CDH2: variants seen among roughly 807,000 people sequenced by gnomAD.
CDH2 encodes cadherin 2, also known as cadherin-2.
In CDH2, 17 loss-of-function variants were observed where a neutral mutation model predicts 92.0. The ratio of observed to expected loss-of-function variants is 0.18; its 90% CI spans 0.13 to 0.28. The LOEUF is 0.28. Ranked by LOEUF, CDH2 falls within the 10% of genes least tolerant of loss-of-function variation. The probability of loss-of-function intolerance (pLI) is 1.00; values close to 1 mark genes in which losing one functional copy is unlikely to be tolerated. For synonymous variants in CDH2, 419 were observed against 415.9 expected, an observed-to-expected ratio of 1.01 and a Z score of -0.09; for missense variants, 862 against 1,133.1, an observed-to-expected ratio of 0.76 and a Z score of 3.44.
chr18:27,950,245 A>G (rs1233142956), downstream of CDH2, among the ~76,000 whole-genome samples: 3 of 151,738 alleles, frequency 2.0e-5, no homozygotes, highest in Non-Finnish European at 4.4e-5. Flanking sequence ...GAGGAGGTAT[A>G]TTATATAAGT....
At chr18:28,125,094 C>A in intron 2 of CDH2, among the ~76,000 whole-genome samples, 1 of 152,270 alleles carries the variant, frequency 6.6e-6, no homozygotes, top group South Asian at 2.1e-4. Flanking sequence ...CGTTCCAGTA[C>A]GTGAGACATT....
At chr18:28,109,221 C>T (rs1209932700) in intron 2 of CDH2, among the ~76,000 whole-genome samples, 1 of 152,140 alleles carries the variant, frequency 6.6e-6, no homozygotes, top group African/African-American at 2.4e-5. Context: ...ATCTATGCTG[C>T]AAAATAAATG....
In CDH2 at chr18:28,002,950, C is replaced by T. The variant is rs201334340; in HGVS notation, c.1020+47G>A. 81 of 1,520,900 alleles carry T rather than the reference C, an allele frequency of 5.3e-5. 1 individual carries two copies. The South Asian group carries it at 7.4e-4, about 14-fold the overall frequency. The allele number at this position is 1,520,900 out of a possible 1,614,324, so 94.2% of individuals were successfully genotyped here. A position where few individuals can be genotyped will look rare whatever the true frequency, so the allele number is the denominator to read the frequency against. ...AATGTATGTGATATGATATTGTGCACCTTTAAGATTAAAAACAAACACAAA... is the reference window on the plus strand; with the variant it reads ...AATGTATGTGATATGATATTGTGCATCTTTAAGATTAAAAACAAACACAAA... On this transcript the variant is annotated intron_variant, in intron 7 of 15. Transcript: ENST00000269141.
rs191523930 is a variant in CDH2 at position 28,050,488 on chromosome 18, T to C, written c.173-36579A>G. On this transcript the variant is annotated intron_variant, in intron 2 of 15. Transcript: ENST00000269141. ...AAAAATTCCTGTAATGTAAATATTA[T>C]CCTCCTTTCCTGATGAGGAAATTAA... Among the ~76,000 whole-genome samples the C allele has an allele frequency of 1.4e-4, 21 of 152,274 alleles. No individual in the cohort carries two copies. In the East Asian group the frequency reaches 3.7e-3, roughly 27 times the overall value.
At chr18:28,016,883 T>A (rs2013263923) in intron 2 of CDH2, among the ~76,000 whole-genome samples, 1 of 152,178 alleles carries the variant, frequency 6.6e-6, no homozygotes, top group Non-Finnish European at 1.5e-5. Flanking sequence ...ATGATCATGT[T>A]ATTTTTTGTT....
chr18:28,090,697 G>T (rs939086234), intron 2 of CDH2, among the ~76,000 whole-genome samples: 7 of 152,168 alleles, frequency 4.6e-5, no homozygotes, highest in Non-Finnish European at 7.3e-5. Flanking sequence ...CCTTATGGTA[G>T]ATAAGAACTC....
intron 2 of CDH2, among the ~76,000 whole-genome samples, chr18:28,107,363 C>T (rs1339720880): frequency 6.6e-6 from 1 of 151,918 alleles, no homozygotes; most frequent in Non-Finnish European, 1.5e-5. Flanking sequence ...GGTGTGACCA[C>T]AGAATATGGA....
chr18:28,166,926 C>T (rs2016393858), intron 1 of CDH2, among the ~76,000 whole-genome samples: 1 of 152,018 alleles, frequency 6.6e-6, no homozygotes, highest in African/African-American at 2.4e-5. Context: ...TCCTGGCAGA[C>T]TCTCAGATCT....
At chr18:28,020,323 T>C (rs1395139049) in intron 2 of CDH2, among the ~76,000 whole-genome samples, 1 of 152,060 alleles carries the variant, frequency 6.6e-6, no homozygotes, top group Non-Finnish European at 1.5e-5. Context: ...TTATATATTT[T>C]TTAGTTCATA....
rs778891009 is a variant in CDH2, at chr18:27,985,794, A to C, written c.1742-33T>G. On this transcript the variant is annotated intron_variant, in intron 11 of 15. Coordinates refer to ENST00000269141, the MANE Select transcript of CDH2 (RefSeq NM_001792.5). ...GAGAGAAAAATCACAAATGATGCTG[A>C]ACAGTTCTCTCCAATGAGCCTCAAT... is the stretch of plus-strand genomic sequence containing the variant. The C allele has an allele frequency of 2.3e-5, 29 of 1,265,886 alleles. No individual in the cohort carries two copies. The South Asian group carries it at 3.0e-4, about 13-fold the overall frequency. The allele number at this position is 1,265,886 out of a possible 1,614,324, so 78.4% of individuals were successfully genotyped here. A position where few individuals can be genotyped will look rare whatever the true frequency, so the allele number is the denominator to read the frequency against.
At chr18:28,149,587 C>T (rs1316826583) in intron 1 of CDH2, among the ~76,000 whole-genome samples, 2 of 151,990 alleles carry the variant, frequency 1.3e-5, no homozygotes, top group East Asian at 1.9e-4. Flanking sequence ...CTGATGATTC[C>T]GCTTATATAA....
intron 2 of CDH2, among the ~76,000 whole-genome samples, chr18:28,060,138 A>G (rs2014372750): frequency 6.9e-6 from 1 of 144,416 alleles, no homozygotes; most frequent in Non-Finnish European, 1.5e-5. Flanking sequence ...TAGATCCACT[A>G]TTTCAATAAG....
At chr18:27,938,111 G>A (rs1297496515) in intron 6 of CDH2, among the ~76,000 whole-genome samples, 1 of 151,834 alleles carries the variant, frequency 6.6e-6, no homozygotes, top group Non-Finnish European at 1.5e-5. Context: ...GTGTGGCACC[G>A]CCCCCATCTC....
chr18:27,990,997 T>C (rs975038059), intron 9 of CDH2, among the ~76,000 whole-genome samples: 1 of 152,216 alleles, frequency 6.6e-6, no homozygotes, highest in Non-Finnish European at 1.5e-5. Flanking sequence ...TTCTGGAATA[T>C]TTCTGGATAT....
At chr18:28,084,257 G>A (rs904272152) in intron 2 of CDH2, among the ~76,000 whole-genome samples, 2 of 152,080 alleles carry the variant, frequency 1.3e-5, no homozygotes, top group African/African-American at 4.8e-5. Flanking sequence ...AATCCAACAG[G>A]GCAGAGCCTC....
chr18:28,036,161 CTCT>C (rs1349998975), intron 2 of CDH2, among the ~76,000 whole-genome samples: 1 of 152,098 alleles, frequency 6.6e-6, no homozygotes, highest in African/African-American at 2.4e-5. Context: ...GAAAATGTAT[CTCT>C]TGTTTTGAAA....
At chr18:28,106,461 C>T (rs1166961407) in intron 2 of CDH2, among the ~76,000 whole-genome samples, 1 of 116,340 alleles carries the variant, frequency 8.6e-6, no homozygotes, top group African/African-American at 3.3e-5. Context: ...TTATGGACAT[C>T]AACTTACCAG....
intron 2 of CDH2, among the ~76,000 whole-genome samples, chr18:28,111,813 T>G (rs2015418048): frequency 6.6e-6 from 1 of 152,180 alleles, no homozygotes; most frequent in Non-Finnish European, 1.5e-5. Context: ...GTTTTTTTTC[T>G]CAGATGTAAA....
chr18:27,989,371 C>G (rs180789626), intron 10 of CDH2, among the ~76,000 whole-genome samples: 1 of 152,226 alleles, frequency 6.6e-6, no homozygotes, highest in East Asian at 1.9e-4. Flanking sequence ...TTCAATACAT[C>G]TATTAACTGG....
Sources: gnomAD v4.1 joint callset for allele counts (sites outside exome capture counted in the v4.1 genomes callset) on GRCh38, gnomAD v4.1.1 for gene constraint, MANE v1.5 for transcripts, NCBI Gene and HGNC (gene_info 2026-07-23, HGNC 2026-07-21) for gene names.